The following DNASE1L3 variants were observed in gnomAD, a reference collection of about 807,000 sequenced individuals.
DNASE1L3 encodes deoxyribonuclease gamma.
In DNASE1L3, 27 loss-of-function variants were observed where a neutral mutation model predicts 30.9. The ratio of observed to expected loss-of-function variants is 0.87; its 90% CI spans 0.64 to 1.20. The LOEUF (loss-of-function observed/expected upper bound fraction) is 1.20, where lower values mean the gene tolerates loss of function less well. DNASE1L3 is among the 50% of genes most tolerant of loss of function. The pLI is 0.00. For missense variants in DNASE1L3, 364 were observed against 378.2 expected, an observed-to-expected ratio of 0.96 and a Z score of 0.31; for synonymous variants, 135 against 138.0, an observed-to-expected ratio of 0.98 and a Z score of 0.15.
intron 2 of DNASE1L3, among the ~76,000 whole-genome samples, 197 bp from the exon 3 acceptor site, chr3:58,205,757 C>G (rs2097403494): frequency 6.6e-6 from 1 of 152,220 alleles, no homozygotes; most frequent in African/African-American, 2.4e-5. Context: ...TCTTTACAGC[C>G]ATTATTTCTT....
intron 6 of DNASE1L3, among the ~76,000 whole-genome samples, chr3:58,196,551 TAAA>T (rs60743972): frequency 1.9e-3 from 117 of 60,726 alleles, no homozygotes; most frequent in African/African-American, 6.5e-3. Context: ...AGACTCTGTC[TAAA>T]AAAAAAAAAA....
Position 58,203,399 on chromosome 3 carries a change from T to C in DNASE1L3, c.433+1370A>G, listed in dbSNP as rs527604304. On this transcript the variant is annotated intron_variant, in intron 4 of 7. Transcript: ENST00000394549. ...CTGACTTCTTCAGGTCACAGCCCAA[T>C]GTCACCTCCTCTGTCTTGTCCAGTG... 4.6e-5 allele frequency among the ~76,000 whole-genome samples: 7 copies of C among 152,332 alleles called. No homozygotes were observed. In the South Asian group the frequency reaches 1.4e-3, roughly 32 times the overall value.
chr3:58,204,963 T>A (rs1304807276), intron 3 of DNASE1L3, 82 bp from the exon 4 acceptor site: 6 of 1,339,128 alleles, frequency 4.5e-6, no homozygotes, highest in Non-Finnish European at 6.3e-6. Flanking sequence ...TAGGTTCCCA[T>A]GGCTTTCTCA....
At chr3:58,207,241 G>T (rs190042746) in intron 2 of DNASE1L3, among the ~76,000 whole-genome samples, 1 of 152,236 alleles carries the variant, frequency 6.6e-6, no homozygotes, top group Non-Finnish European at 1.5e-5. Context: ...CATAGTGGGT[G>T]TGTGACTGTA....
rs1221201984 is a variant in DNASE1L3, at chr3:58,200,940, C to G, written c.546+57G>C. On this transcript the variant is annotated intron_variant, in intron 5 of 7. Coordinates refer to ENST00000394549, the MANE Select transcript of DNASE1L3 (RefSeq NM_004944.4). This position sits in a 1 kb window ranked among gnomAD's most constrained non-coding sequence, Gnocchi z 4.2. ...TCCCTGGAGAGGTACTCATCCCACT[C>G]AGGGACCAGAGCCTGCCCCTGCTAG... is the stretch of plus-strand genomic sequence containing the variant. 1 of 1,471,066 alleles carries G rather than the reference C, an allele frequency of 6.8e-7. No individual in the cohort carries two copies. The highest frequency in any genetic ancestry group is 1.2e-5 in the South Asian group (1 of 83,004). The allele number at this position is 1,471,066 out of a possible 1,614,324, so 91.1% of individuals were successfully genotyped here.
chr3:58,208,345 A>G (rs1224711506), intron 1 of DNASE1L3, 39 bp from the exon 2 acceptor site: 7 of 1,600,146 alleles, frequency 4.4e-6, no homozygotes, highest in East Asian at 2.2e-5. Context: ...GAGGTCATTT[A>G]CCACAGATAA....
intron 4 of DNASE1L3, among the ~76,000 whole-genome samples, chr3:58,202,611 T>C (rs1460275885): frequency 2.6e-5 from 4 of 151,910 alleles, no homozygotes; most frequent in Admixed American, 2.6e-4. Flanking sequence ...CCCACCACTT[T>C]GGGAGGCTGA....
Position 58,193,335 on chromosome 3 carries a change from A to G in DNASE1L3, c.801+8T>C. 1.9e-6 allele frequency: 3 copies of G among 1,613,928 alleles called. No homozygotes were observed. Among genetic ancestry groups the G allele is most frequent in the Non-Finnish European group, 2.5e-6 (3 of 1,179,848 alleles). On this transcript the variant is annotated splice_region_variant and intron_variant, in intron 7 of 7. Transcript: ENST00000394549. ...CAATGGCATAGAAAGACAAGATGGC[A>G]ACCTTACCTCCTCTTCAGTCAGCTT...
At chr3:58,203,074 G>C (rs111365332) in intron 4 of DNASE1L3, among the ~76,000 whole-genome samples, 1,656 of 152,230 alleles carry the variant, frequency 0.011, 28 homozygotes, top group African/African-American at 0.038. Context: ...GTCGCCTTCT[G>C]AGCAGCTCCT....
intron 2 of DNASE1L3, 144 bp from the exon 3 acceptor site, chr3:58,205,704 G>C: frequency 1.5e-6 from 1 of 668,918 alleles, no homozygotes; most frequent in Non-Finnish European, 2.6e-6. Flanking sequence ...AGTCCAATGA[G>C]AGGAGCCACC....
intron 2 of DNASE1L3, 52 bp from the exon 3 acceptor site, chr3:58,205,612 T>G: frequency 1.4e-6 from 2 of 1,470,076 alleles, no homozygotes; most frequent in Non-Finnish European, 1.9e-6. Context: ...ATTCCCCTAC[T>G]GTACATGTTC....
chr3:58,204,009 CTGT>C (rs2097402329), intron 4 of DNASE1L3, among the ~76,000 whole-genome samples: 1 of 152,128 alleles, frequency 6.6e-6, no homozygotes, highest in Non-Finnish European at 1.5e-5. Context: ...AGTACAAGTA[CTGT>C]TGTTAGAGTT....
intron 5 of DNASE1L3, 103 bp from the exon 6 acceptor site, chr3:58,198,081 A>T: frequency 7.6e-7 from 1 of 1,320,726 alleles, no homozygotes; most frequent in Non-Finnish European, 1.0e-6. Flanking sequence ...AGTAAACAAC[A>T]GGGTCTGTTA....
At chr3:58,204,198 T>C (rs1375070792) in intron 4 of DNASE1L3, among the ~76,000 whole-genome samples, 1 of 150,214 alleles carries the variant, frequency 6.7e-6, no homozygotes, top group East Asian at 2.0e-4. Context: ...TGGAGTGCAG[T>C]GGTACGATCT....
intron 1 of DNASE1L3, among the ~76,000 whole-genome samples, chr3:58,210,224 GAAAGAAAAAGGAAGAAAGAA>G (rs2097406789): frequency 7.9e-6 from 1 of 126,140 alleles, no homozygotes. Context: ...GAAAAAGGAA[GAAAGAAAAAGGAAGAAAGAA>G]AAAGAAAGAA....
chr3:58,199,605 A>G (rs554757551), intron 5 of DNASE1L3, among the ~76,000 whole-genome samples: 2 of 152,024 alleles, frequency 1.3e-5, no homozygotes, highest in East Asian at 3.9e-4. Flanking sequence ...TGGAGGTTGC[A>G]GTGAGCCGAG....
In DNASE1L3 at chr3:58,192,583, G is replaced by GCAGTTGGAT; in HGVS notation, c.*95_*103dup. On this transcript the variant is annotated 3_prime_UTR_variant, in exon 8 of 8. Coordinates refer to ENST00000394549, the MANE Select transcript of DNASE1L3 (RefSeq NM_004944.4). This position sits in a 1 kb window ranked among gnomAD's most constrained non-coding sequence, Gnocchi z 4.8. The stretch of plus-strand genomic sequence containing the variant: ...AATAAATTCAGGTCAAAAAATGAAA[G>GCAGTTGGAT]CAGTTGGATCACTCTTGTTTCCTAA... The GCAGTTGGAT allele has an allele frequency of 8.2e-7, 1 of 1,213,348 alleles. No individual in the cohort carries two copies. 75.2% of individuals were successfully genotyped at this position (1,213,348 alleles called of 1,614,324 possible). A position where few individuals can be genotyped will look rare whatever the true frequency, so the allele number is the denominator to read the frequency against.
rs1170172048 is a variant in DNASE1L3, at chr3:58,194,456, A to G, written c.705-1017T>C. On this transcript the variant is annotated intron_variant, in intron 6 of 7. Coordinates refer to ENST00000394549, the MANE Select transcript of DNASE1L3 (RefSeq NM_004944.4). ...TGCCTCAGCCTCCCAAGTAGCTGGAATTATAGGTGTGTGCCACCACGCCTG... is the reference window on the plus strand; with the variant it reads ...TGCCTCAGCCTCCCAAGTAGCTGGAGTTATAGGTGTGTGCCACCACGCCTG... Among the ~76,000 whole-genome samples, 5 of 150,978 alleles carry G rather than the reference A, an allele frequency of 3.3e-5. No individual in the cohort carries two copies. The East Asian group carries it at 9.7e-4, about 29-fold the overall frequency.
chr3:58,203,664 G>T (rs2097402185), intron 4 of DNASE1L3, among the ~76,000 whole-genome samples: 1 of 152,138 alleles, frequency 6.6e-6, no homozygotes, highest in Non-Finnish European at 1.5e-5. Context: ...GCTGAGTGTG[G>T]TGGTGCATGC....
Sources: allele counts gnomAD v4.1 joint callset (sites outside exome capture counted in the v4.1 genomes callset), GRCh38; gene constraint gnomAD v4.1.1; non-coding constraint Gnocchi (gnomAD v3.1); transcripts MANE v1.5; gene names NCBI Gene and HGNC (gene_info 2026-07-23, HGNC 2026-07-21).